GRIN2A: variants seen among roughly 807,000 people sequenced by gnomAD.
GRIN2A encodes glutamate receptor ionotropic, NMDA 2A.
In GRIN2A, 22 loss-of-function variants were observed where a neutral mutation model predicts 113.4. That is an observed-to-expected ratio of 0.19 (90% CI 0.14 to 0.28). GRIN2A has a LOEUF of 0.28. GRIN2A is among the 10% of genes least tolerant of loss of function. GRIN2A has a pLI of 1.00. For synonymous variants in GRIN2A, 827 were observed against 738.4 expected (o/e 1.12, Z -1.94); for missense variants, 1,502 against 1,887.0 (o/e 0.80, Z 3.78).
At chr16:9,892,751 G>A (rs181072417) in intron 3 of GRIN2A, among the ~76,000 whole-genome samples, 1 of 152,022 alleles carries the variant, frequency 6.6e-6, no homozygotes, top group Non-Finnish European at 1.5e-5. Flanking sequence ...CAAGGGATCC[G>A]CTCTCCTTGC....
chr16:9,791,443 C>A (rs895446945), intron 11 of GRIN2A, among the ~76,000 whole-genome samples: 1 of 152,150 alleles, frequency 6.6e-6, no homozygotes, highest in Non-Finnish European at 1.5e-5. Context: ...AGGATTTCCC[C>A]AGTCCACACT....
At chr16:9,816,218 A>C (rs1398571218) in intron 10 of GRIN2A, among the ~76,000 whole-genome samples, 1 of 152,238 alleles carries the variant, frequency 6.6e-6, no homozygotes, top group Non-Finnish European at 1.5e-5. Flanking sequence ...AATGCATTTA[A>C]TACCACTGAA....
chr16:9,818,694 A>T (rs2141286491), intron 10 of GRIN2A, among the ~76,000 whole-genome samples: 1 of 152,338 alleles, frequency 6.6e-6, no homozygotes, highest in Admixed American at 6.5e-5. Flanking sequence ...GAAAAGTGCA[A>T]ATTTATATCT....
chr16:9,989,546 A>C (rs2046059458), intron 2 of GRIN2A, among the ~76,000 whole-genome samples: 1 of 152,218 alleles, frequency 6.6e-6, no homozygotes, highest in Non-Finnish European at 1.5e-5. Flanking sequence ...ATCGGAATCT[A>C]GTTAAACTAA....
Position 9,882,839 on chromosome 16 carries a change from G to A in GRIN2A, c.1122+8147C>T, listed in dbSNP as rs1221766320. 2.0e-5 allele frequency among the ~76,000 whole-genome samples: 3 copies of A among 152,204 alleles called. No homozygotes were observed. The South Asian group carries it at 6.2e-4, about 32-fold the overall frequency. On this transcript the variant is annotated intron_variant, in intron 4 of 12. Coordinates refer to ENST00000330684, the MANE Select transcript of GRIN2A (RefSeq NM_001134407.3). The stretch of plus-strand genomic sequence containing the variant: ...GAGATGCAATAAATGCCTATACCCT[G>A]AGTTCTAATTAGCTGGTTTCAGGTA...
intron 2 of GRIN2A, among the ~76,000 whole-genome samples, chr16:10,010,783 A>C (rs1044758667): frequency 6.6e-6 from 1 of 152,110 alleles, no homozygotes; most frequent in African/African-American, 2.4e-5. Flanking sequence ...GCTCCTCCAG[A>C]ATTCTTACCT....
chr16:10,056,020 T>C (rs890980663), intron 2 of GRIN2A, among the ~76,000 whole-genome samples: 3 of 151,676 alleles, frequency 2.0e-5, no homozygotes, highest in Non-Finnish European at 4.4e-5. Flanking sequence ...AATTCACACA[T>C]ACACTCCCTC....
intron 2 of GRIN2A, among the ~76,000 whole-genome samples, chr16:10,135,859 T>G (rs778560669): frequency 6.6e-5 from 10 of 152,152 alleles, no homozygotes; most frequent in Non-Finnish European, 1.5e-4. Context: ...TAAGCTTTAA[T>G]CACACCTACA....
At chr16:9,822,130 TG>T in intron 10 of GRIN2A, 133 bp downstream of exon 10, 1 of 955,658 alleles carries the variant, frequency 1.0e-6, no homozygotes, top group Non-Finnish European at 1.7e-6. Context: ...TGCCCTCAAC[TG>T]GGGCCCATCT....
At chr16:9,955,885 A>G (rs1278720713) in intron 2 of GRIN2A, among the ~76,000 whole-genome samples, 1 of 151,484 alleles carries the variant, frequency 6.6e-6, no homozygotes, top group Non-Finnish European at 1.5e-5. Context: ...AAACCAGGAA[A>G]CCCATCAGGC....
At chr16:9,885,119 T>C (rs1460475357) in intron 4 of GRIN2A, among the ~76,000 whole-genome samples, 3 of 152,154 alleles carry the variant, frequency 2.0e-5, no homozygotes, top group African/African-American at 7.2e-5. Flanking sequence ...GTTGGCTTAA[T>C]TCTCTATTAT....
intron 2 of GRIN2A, among the ~76,000 whole-genome samples, chr16:10,152,667 T>C (rs1296908608): frequency 6.6e-6 from 1 of 152,204 alleles, no homozygotes; most frequent in African/African-American, 2.4e-5. Flanking sequence ...TGTCACCTTC[T>C]TGACAAGCAA....
chr16:9,953,430 T>C (rs540516160), intron 2 of GRIN2A, among the ~76,000 whole-genome samples: 4 of 152,090 alleles, frequency 2.6e-5, no homozygotes, highest in African/African-American at 9.6e-5. Context: ...GAAGTGAGTA[T>C]AGGTAGGGGG....
chr16:9,988,584 G>C (rs1290976807), intron 2 of GRIN2A, among the ~76,000 whole-genome samples: 2 of 151,524 alleles, frequency 1.3e-5, no homozygotes, highest in Admixed American at 6.6e-5. Flanking sequence ...CACATTTTTA[G>C]CAAAGACAAT....
chr16:10,126,816 T>A (rs1055107829), intron 2 of GRIN2A, among the ~76,000 whole-genome samples: 1 of 152,208 alleles, frequency 6.6e-6, no homozygotes, highest in Non-Finnish European at 1.5e-5. Context: ...AGTCACCTGC[T>A]CACATGTCCA....
At chr16:10,140,322 T>G (rs757638458) in intron 2 of GRIN2A, among the ~76,000 whole-genome samples, 8 of 152,078 alleles carry the variant, frequency 5.3e-5, no homozygotes, top group Non-Finnish European at 1.2e-4. Flanking sequence ...GAAGAGTCCC[T>G]GGTGAAGAAA....
intron 3 of GRIN2A, among the ~76,000 whole-genome samples, chr16:9,920,421 T>G (rs1030497324): frequency 6.6e-6 from 1 of 152,170 alleles, no homozygotes; most frequent in African/African-American, 2.4e-5. Flanking sequence ...TGCTCTCTTT[T>G]GAAAGATTTA....
chr16:9,942,449 T>G (rs536775275), intron 2 of GRIN2A, among the ~76,000 whole-genome samples: 1 of 152,228 alleles, frequency 6.6e-6, no homozygotes. Flanking sequence ...ACCTATAAGA[T>G]AGGAATAATG....
chr16:9,808,495 A>T (rs1724309910), intron 10 of GRIN2A, among the ~76,000 whole-genome samples: 1 of 152,190 alleles, frequency 6.6e-6, no homozygotes, highest in South Asian at 2.1e-4. Flanking sequence ...AAAAACATCG[A>T]GATTTGTGAA....
Sources: allele counts gnomAD v4.1 joint callset (sites outside exome capture counted in the v4.1 genomes callset), GRCh38; gene constraint gnomAD v4.1.1; transcripts MANE v1.5; gene names NCBI Gene and HGNC (gene_info 2026-07-23, HGNC 2026-07-21).